The following IKZF2 variants were observed in gnomAD, a reference collection of about 807,000 sequenced individuals.
IKZF2 encodes zinc finger protein Helios.
In IKZF2, 15 loss-of-function variants were observed where a neutral mutation model predicts 49.2. The observed-to-expected ratio is 0.30, with a 90% CI of 0.20 to 0.47. The LOEUF (loss-of-function observed/expected upper bound fraction) is 0.47, where lower values mean the gene tolerates loss of function less well. Among genes scored for constraint, IKZF2 ranks in the 20% least tolerant of loss-of-function variants. The probability of loss-of-function intolerance (pLI) is 1.00; values close to 1 mark genes in which losing one functional copy is unlikely to be tolerated. For synonymous variants in IKZF2, 227 were observed against 221.4 expected (o/e 1.03, Z -0.23); for missense variants, 567 against 664.6 (o/e 0.85, Z 1.61).
intron 5 of IKZF2, among the ~76,000 whole-genome samples, chr2:213,050,869 A>G (rs1700618456): frequency 6.6e-6 from 1 of 152,062 alleles, no homozygotes; most frequent in Admixed American, 6.6e-5. Flanking sequence ...ACCTATCACT[A>G]AAGATATACA....
At chr2:213,013,184 G>A (rs1032453074) in intron 8 of IKZF2, among the ~76,000 whole-genome samples, 1 of 151,806 alleles carries the variant, frequency 6.6e-6, no homozygotes, top group African/African-American at 2.4e-5. Flanking sequence ...CTTGAATGTA[G>A]GTTGCTGCAT....
intron 4 of IKZF2, among the ~76,000 whole-genome samples, chr2:213,146,100 C>T (rs73079230): frequency 0.043 from 6,559 of 152,136 alleles, 476 homozygotes; most frequent in African/African-American, 0.15. Flanking sequence ...CTCTGATTAA[C>T]AGTTACTCCC....
rs956701084 is a variant in IKZF2 at position 213,110,751 on chromosome 2, A to G, written c.139+36957T>C. ...ATTTATATAAATTTATACTCCCATC[A>G]ACAATACATAAAAGGCCCTGTTTCC... is the stretch of plus-strand genomic sequence containing the variant. On this transcript the variant is annotated intron_variant, in intron 4 of 8. Transcript: ENST00000434687. Among the ~76,000 whole-genome samples, 3 of 152,038 alleles carry G rather than the reference A, an allele frequency of 2.0e-5. No homozygotes were observed. The East Asian group carries it at 5.8e-4, about 29-fold the overall frequency.
intron 8 of IKZF2, among the ~76,000 whole-genome samples, chr2:213,010,968 T>C (rs1206694319): frequency 6.6e-6 from 1 of 152,060 alleles, no homozygotes; most frequent in Admixed American, 6.6e-5. Flanking sequence ...CTGAACACAG[T>C]CAGAGAGAGA....
intron 4 of IKZF2, among the ~76,000 whole-genome samples, chr2:213,086,702 C>T (rs1428948524): frequency 5.9e-5 from 9 of 152,098 alleles, no homozygotes; most frequent in Non-Finnish European, 1.2e-4. Context: ...GGCACTAGTC[C>T]AGCAGCCCTT....
rs1016503467 is a variant in IKZF2, at chr2:213,134,015, C to A, written c.139+13693G>T. 2.6e-5 allele frequency among the ~76,000 whole-genome samples: 4 copies of A among 152,084 alleles called. 1 individual carries two copies. Among genetic ancestry groups the A allele is most frequent in the African/African-American group, 7.2e-5 (3 of 41,412 alleles). ...ACAATGATACACATGTAAAGTTTAT[C>A]TCACAACTGATAAATTTTTACTACA... On this transcript the variant is annotated intron_variant, in intron 4 of 8. Transcript: ENST00000434687.
chr2:213,110,886 G>T (rs982788557), intron 4 of IKZF2, among the ~76,000 whole-genome samples: 1 of 152,104 alleles, frequency 6.6e-6, no homozygotes. Context: ...TTTGGGTGAA[G>T]TTAAGAAAAA....
At chr2:213,022,477 T>C (rs746662554) in intron 6 of IKZF2, among the ~76,000 whole-genome samples, 21 of 149,562 alleles carry the variant, frequency 1.4e-4, no homozygotes, top group Non-Finnish European at 2.8e-4. Context: ...AGGAGTATCC[T>C]AGATACATCA....
At chr2:213,039,641 T>C (rs80053145) in intron 6 of IKZF2, among the ~76,000 whole-genome samples, 4 of 152,100 alleles carry the variant, frequency 2.6e-5, no homozygotes, top group East Asian at 1.9e-4. Flanking sequence ...AACTTTGACA[T>C]TGTAAGGTTC....
At chr2:213,060,996 A>G (rs1157492221) in intron 4 of IKZF2, among the ~76,000 whole-genome samples, 2 of 151,584 alleles carry the variant, frequency 1.3e-5, no homozygotes, top group Non-Finnish European at 3.0e-5. Flanking sequence ...ATTTTCATGA[A>G]TTCAAGCTTT....
chr2:213,123,179 A>G (rs1317172496), intron 4 of IKZF2, among the ~76,000 whole-genome samples: 1 of 152,210 alleles, frequency 6.6e-6, no homozygotes, highest in Non-Finnish European at 1.5e-5. Context: ...TTCTTAAGAA[A>G]TGTCAGCTGG....
intron 4 of IKZF2, among the ~76,000 whole-genome samples, chr2:213,100,413 T>G (rs921714549): frequency 2.0e-5 from 3 of 152,070 alleles, no homozygotes; most frequent in Non-Finnish European, 2.9e-5. Context: ...AACTAAAATT[T>G]AAAACTAAAA....
chr2:213,046,266 T>G (rs1054695440), intron 6 of IKZF2, among the ~76,000 whole-genome samples: 1 of 152,172 alleles, frequency 6.6e-6, no homozygotes, highest in Non-Finnish European at 1.5e-5. Flanking sequence ...TGGTATATTT[T>G]CCTTCCCTGC....
At chr2:213,068,422 C>T (rs937878893) in intron 4 of IKZF2, among the ~76,000 whole-genome samples, 3 of 151,926 alleles carry the variant, frequency 2.0e-5, no homozygotes, top group Non-Finnish European at 2.9e-5. Context: ...GTAATGCTAC[C>T]GATTTGTGCA....
rs531760693 is a variant in IKZF2, at chr2:213,106,636, C to T, written c.139+41072G>A. ...ACCTGGGCGACAGAGTGAGGGAAAC[C>T]CTGTCTAAAAAAAAAAAAAAGAAAA... On this transcript the variant is annotated intron_variant, in intron 4 of 8. Transcript: ENST00000434687. 4.4e-5 allele frequency among the ~76,000 whole-genome samples: 6 copies of T among 135,116 alleles called. No homozygotes were observed. In the South Asian group the frequency reaches 7.2e-4, roughly 16 times the overall value. 88.6% of individuals were successfully genotyped at this position (135,116 alleles called of 152,430 possible).
At chr2:213,037,661 C>A (rs1414343539) in intron 6 of IKZF2, among the ~76,000 whole-genome samples, 1 of 152,152 alleles carries the variant, frequency 6.6e-6, no homozygotes, top group Non-Finnish European at 1.5e-5. Context: ...GCAAAGCATA[C>A]AGTGAGGCAC....
chr2:213,036,025 A>G (rs1294535229), intron 6 of IKZF2, among the ~76,000 whole-genome samples: 1 of 152,146 alleles, frequency 6.6e-6, no homozygotes, highest in African/African-American at 2.4e-5. Flanking sequence ...ATATCAGATC[A>G]TAATTTTTAA....
intron 4 of IKZF2, among the ~76,000 whole-genome samples, chr2:213,137,240 T>A (rs1244724241): frequency 6.6e-6 from 1 of 152,114 alleles, no homozygotes; most frequent in African/African-American, 2.4e-5. Flanking sequence ...AACAGCAGAC[T>A]CACAGAAAAA....
At chr2:213,103,098 C>A (rs1458980127) in intron 4 of IKZF2, among the ~76,000 whole-genome samples, 1 of 152,136 alleles carries the variant, frequency 6.6e-6, no homozygotes, top group East Asian at 1.9e-4. Context: ...AAATATACAA[C>A]TAATCTAACA....
Sources: allele counts gnomAD v4.1 joint callset (sites outside exome capture counted in the v4.1 genomes callset), GRCh38; gene constraint gnomAD v4.1.1; transcripts MANE v1.5; gene names NCBI Gene and HGNC (gene_info 2026-07-23, HGNC 2026-07-21).